The following PCDH15 variants were observed in gnomAD, a reference collection of about 807,000 sequenced individuals.
The protein encoded by PCDH15 is protocadherin related 15.
PCDH15 carries 129 observed loss-of-function variants against 178.5 expected under a neutral mutation model. The observed-to-expected ratio is 0.72, with a 90% CI of 0.63 to 0.84. The LOEUF is 0.84. Ranked by LOEUF, PCDH15 falls within the 40% of genes least tolerant of loss-of-function variation. The pLI is 0.00. For missense variants in PCDH15, 2,230 were observed against 2,099.9 expected (o/e 1.06, Z -1.21); for synonymous variants, 800 against 732.0 (o/e 1.09, Z -1.50).
intron 2 of PCDH15, among the ~76,000 whole-genome samples, chr10:55,428,134 A>C (rs1260198116): frequency 6.6e-6 from 1 of 152,018 alleles, no homozygotes; most frequent in Non-Finnish European, 1.5e-5. Context: ...CTGTAGAATG[A>C]AGTGTTTGAC....
At chr10:55,201,268 G>A (rs556053837) in intron 1 of PCDH15, among the ~76,000 whole-genome samples, 15 of 152,158 alleles carry the variant, frequency 9.9e-5, no homozygotes, top group Admixed American at 4.6e-4. Flanking sequence ...CTGGGGTCAC[G>A]CAGAGCCTGA....
chr10:55,111,753 G>T (rs1837511360), intron 2 of PCDH15, among the ~76,000 whole-genome samples: 1 of 152,098 alleles, frequency 6.6e-6, no homozygotes, highest in Non-Finnish European at 1.5e-5. Flanking sequence ...TGAGGCAGGA[G>T]AATTGCTTGA....
At chr10:54,688,955 C>A (rs1428848067) in intron 1 of PCDH15, among the ~76,000 whole-genome samples, 1 of 151,898 alleles carries the variant, frequency 6.6e-6, no homozygotes, top group Non-Finnish European at 1.5e-5. Flanking sequence ...GGTTAATAAT[C>A]CTAAAAATTA....
chr10:55,591,558 C>T (rs1372308500), intron 2 of PCDH15, among the ~76,000 whole-genome samples: 1 of 152,024 alleles, frequency 6.6e-6, no homozygotes, highest in Non-Finnish European at 1.5e-5. Flanking sequence ...AATAATTAAA[C>T]ATAATTAATT....
At chr10:54,716,346 A>AC (rs2095479449) in intron 1 of PCDH15, among the ~76,000 whole-genome samples, 1 of 152,116 alleles carries the variant, frequency 6.6e-6, no homozygotes. Flanking sequence ...TAGAGTTTGA[A>AC]ATGCAAAACA....
intron 3 of PCDH15, among the ~76,000 whole-genome samples, chr10:54,872,927 C>A (rs1451232758): frequency 1.3e-5 from 2 of 152,092 alleles, no homozygotes; most frequent in African/African-American, 4.8e-5. Context: ...AGTGTTGAGG[C>A]ACCAAACCAA....
At chr10:55,193,842 T>G (rs1215127495) in intron 1 of PCDH15, among the ~76,000 whole-genome samples, 2 of 151,974 alleles carry the variant, frequency 1.3e-5, no homozygotes, top group Non-Finnish European at 2.9e-5. Context: ...GAGGTTAATA[T>G]AGACATATTG....
intron 3 of PCDH15, among the ~76,000 whole-genome samples, chr10:54,462,519 T>TTC (rs2077248956): frequency 7.2e-5 from 9 of 124,856 alleles, no homozygotes; most frequent in South Asian, 2.8e-4. Context: ...TTTCTTTTTT[T>TTC]TTTTTTTTTT....
intron 2 of PCDH15, among the ~76,000 whole-genome samples, chr10:55,464,045 GA>G (rs1201765360): frequency 1.6e-5 from 2 of 122,570 alleles, no homozygotes; most frequent in Non-Finnish European, 1.7e-5. Context: ...AAGAAAGAAA[GA>G]AAGAAAGAAA....
chr10:53,834,302 G>T (rs1403755942), intron 29 of PCDH15, among the ~76,000 whole-genome samples: 2 of 151,744 alleles, frequency 1.3e-5, no homozygotes, highest in African/African-American at 4.8e-5. Flanking sequence ...ATACCATTCT[G>T]TTTTCTACTA....
intron 1 of PCDH15, among the ~76,000 whole-genome samples, chr10:55,222,710 T>TACAC (rs374141989): frequency 0.023 from 963 of 41,760 alleles, 15 homozygotes; most frequent in East Asian, 0.097. Context: ...TATATCTTTA[T>TACAC]ACACACACAC....
chr10:55,347,423 C>T (rs1844792537), intron 2 of PCDH15, among the ~76,000 whole-genome samples: 1 of 152,022 alleles, frequency 6.6e-6, no homozygotes, highest in African/African-American at 2.4e-5. Flanking sequence ...CCTCCTGAAA[C>T]ACATAAATAA....
intron 1 of PCDH15, among the ~76,000 whole-genome samples, chr10:54,756,743 A>AG (rs1555183282): frequency 6.8e-6 from 1 of 147,706 alleles, no homozygotes; most frequent in African/African-American, 2.5e-5. Flanking sequence ...AGAGAGAGAG[A>AG]AACTATGGAT....
intron 1 of PCDH15, among the ~76,000 whole-genome samples, chr10:54,787,323 T>TA (rs1367978677): frequency 6.6e-6 from 1 of 152,008 alleles, no homozygotes; most frequent in Non-Finnish European, 1.5e-5. Flanking sequence ...TTGTGACAGT[T>TA]ACACAAATAT....
chr10:54,290,162 A>G (rs1417688335), intron 8 of PCDH15, among the ~76,000 whole-genome samples: 2 of 152,218 alleles, frequency 1.3e-5, no homozygotes, highest in Admixed American at 1.3e-4. Flanking sequence ...CGAGTTACCC[A>G]CAAAGGGAAG....
At chr10:54,180,627 C>T (rs2047899580) in intron 13 of PCDH15, among the ~76,000 whole-genome samples, 1 of 152,084 alleles carries the variant, frequency 6.6e-6, no homozygotes, top group African/African-American at 2.4e-5. Flanking sequence ...TGTCATGACT[C>T]TTAAAGGGTA....
intron 3 of PCDH15, among the ~76,000 whole-genome samples, chr10:54,524,183 C>T (rs1243761953): frequency 2.0e-5 from 3 of 152,148 alleles, no homozygotes; most frequent in Admixed American, 6.5e-5. Context: ...ATGTTGCTTT[C>T]AAATTATGGA....
intron 21 of PCDH15, among the ~76,000 whole-genome samples, chr10:53,979,016 A>G (rs183389611): frequency 3.6e-3 from 553 of 151,924 alleles, no homozygotes; most frequent in Non-Finnish European, 6.9e-3. Flanking sequence ...AGCCCTCCAA[A>G]CTGTTCCAAC....
intron 2 of PCDH15, among the ~76,000 whole-genome samples, chr10:55,336,561 A>C (rs1202557028): frequency 6.6e-6 from 1 of 152,134 alleles, no homozygotes; most frequent in Non-Finnish European, 1.5e-5. Flanking sequence ...TAATTCATAA[A>C]ACCTTTATTC....
Sources: allele counts gnomAD v4.1 joint callset (sites outside exome capture counted in the v4.1 genomes callset), GRCh38; gene constraint gnomAD v4.1.1; transcripts MANE v1.5; gene names NCBI Gene and HGNC (gene_info 2026-07-23, HGNC 2026-07-21).